IRAK1BP1: variants seen among roughly 807,000 people sequenced by gnomAD.
The protein encoded by IRAK1BP1 is interleukin-1 receptor-associated kinase 1-binding protein 1.
IRAK1BP1 carries 24 observed loss-of-function variants against 28.0 expected under a neutral mutation model. That is an observed-to-expected ratio of 0.86 (90% confidence interval 0.62 to 1.20). IRAK1BP1 has a LOEUF of 1.20. Ranked by LOEUF, IRAK1BP1 falls within the 50% of genes most tolerant of loss-of-function variation. The probability of loss-of-function intolerance (pLI) is 0.00; values close to 1 mark genes in which losing one functional copy is unlikely to be tolerated. For missense variants in IRAK1BP1, 336 were observed against 316.7 expected, an observed-to-expected ratio of 1.06 and a Z score of -0.46; for synonymous variants, 131 against 116.3, an observed-to-expected ratio of 1.13 and a Z score of -0.81.
intron 4 of IRAK1BP1, among the ~76,000 whole-genome samples, chr6:78,917,479 G>A (rs1481135815): frequency 6.6e-6 from 1 of 151,896 alleles, no homozygotes. Context: ...TAAACAATGT[G>A]GAAAACATAT....
chr6:78,898,044 C>G lies in IRAK1BP1; in HGVS notation c.513-20C>G, dbSNP rs373045728. On this transcript the variant is annotated intron_variant, in intron 3 of 3. Coordinates refer to ENST00000369940, the MANE Select transcript of IRAK1BP1 (RefSeq NM_001010844.4). ...TTTCATTGAGTGTCATATTAATAATCTCTCCATTTAATTCCTAAGACGGCA... is the reference window on the plus strand; with the variant it reads ...TTTCATTGAGTGTCATATTAATAATGTCTCCATTTAATTCCTAAGACGGCA... 8.7e-6 allele frequency: 14 copies of G among 1,604,304 alleles called. No homozygotes were observed. The African/African-American group carries it at 1.9e-4, about 22-fold the overall frequency.
intron 1 of IRAK1BP1, among the ~76,000 whole-genome samples, chr6:78,882,829 T>G (rs550055383): frequency 4.3e-4 from 65 of 152,220 alleles, no homozygotes; most frequent in Non-Finnish European, 7.2e-4. Flanking sequence ...TCTACTAATG[T>G]TGGCTTTTTA....
At chr6:78,978,531 CTGTTAAAAAA>C in the IRAK1BP1 span, 2 of 1,341,274 alleles carry the variant, frequency 1.5e-6, no homozygotes, top group African/African-American at 2.9e-5. Flanking sequence ...ATTTCAAGAG[CTGTTAAAAAA>C]TGTTTAAAAC....
At chr6:78,938,597 TGAAA>T (rs765616670) in intron 4 of IRAK1BP1, 3 of 151,828 alleles carry the variant, frequency 2.0e-5, no homozygotes, top group Non-Finnish European at 3.0e-5. Context: ...ATGGTGTAAC[TGAAA>T]GACTCATTTT....
chr6:78,915,168 A>G (rs923033796), intron 4 of IRAK1BP1, among the ~76,000 whole-genome samples: 2 of 152,198 alleles, frequency 1.3e-5, no homozygotes, highest in Non-Finnish European at 1.5e-5. Flanking sequence ...AAATGTCATC[A>G]TGCCTCAAAT....
the IRAK1BP1 span, among the ~76,000 whole-genome samples, chr6:78,973,275 G>C: frequency 3.4e-4 from 51 of 151,430 alleles, no homozygotes; most frequent in African/African-American, 1.1e-3. Flanking sequence ...TCCAGCCAAA[G>C]TAAGCTTCAT....
chr6:78,871,679 C>A, intron 1 of IRAK1BP1: 1 of 269,316 alleles, frequency 3.7e-6, no homozygotes, highest in Non-Finnish European at 5.8e-6. Context: ...TAGATGAGAA[C>A]TCCAAGGACC....
At chr6:78,958,892 AG>A in the IRAK1BP1 span, among the ~76,000 whole-genome samples, 1 of 152,084 alleles carries the variant, frequency 6.6e-6, no homozygotes, top group Admixed American at 6.6e-5. Flanking sequence ...GCAGGAGAGT[AG>A]AAAGGGGAGA....
At position 78,898,165 on chromosome 6, in the gene IRAK1BP1, A is replaced by G. The variant is rs1262009737; in HGVS notation, c.614A>G (p.Glu205Gly). The G allele has an allele frequency of 3.1e-6, 5 of 1,613,722 alleles. No homozygotes were observed. The East Asian group carries it at 8.9e-5, about 29-fold the overall frequency. Residue 205 changes from glutamate to glycine, a missense_variant, in exon 4 of 4, where the codon GAA becomes GGA. By Grantham distance (98) the Glu-to-Gly change is moderately conservative. Coordinates refer to ENST00000369940, the MANE Select transcript of IRAK1BP1 (RefSeq NM_001010844.4). ...QTLGKPLLIK[E>G]EETKEWEGQI... ...TTAGGAAAACCTTTACTAATCAAAG[A>G]AGAAGAAACAAAAGAATGGGAAGGC...
intron 1 of IRAK1BP1, among the ~76,000 whole-genome samples, chr6:78,868,819 G>A (rs2127663081): frequency 6.6e-6 from 1 of 152,278 alleles, no homozygotes; most frequent in East Asian, 1.9e-4. Context: ...AGGGATCAAC[G>A]ATTTCAGTTT....
the IRAK1BP1 span, chr6:78,969,771 T>C: frequency 4.2e-6 from 3 of 721,998 alleles, no homozygotes. Context: ...TGAAAAATAG[T>C]AAATCACTTA....
At chr6:78,932,126 T>C (rs1246966825) in intron 4 of IRAK1BP1, among the ~76,000 whole-genome samples, 4 of 152,170 alleles carry the variant, frequency 2.6e-5, no homozygotes, top group African/African-American at 9.7e-5. Flanking sequence ...ATTGCAGCAA[T>C]TCAGTCACAT....
rs1201997078 is a variant in IRAK1BP1 at position 78,893,280 on chromosome 6, ATG to A, written c.382-4543_382-4542del. Among the ~76,000 whole-genome samples, 35 of 114,638 alleles carry A rather than the reference ATG, an allele frequency of 3.1e-4. 1 individual carries two copies. The South Asian group carries it at 0.012, about 41-fold the overall frequency. The allele number at this position is 114,638 out of a possible 152,430, so 75.2% of individuals were successfully genotyped here. ...CTTTAAAACTAAAAGGTGTATATAT[ATG>A]TGTGTATATATGTGTGTGTGTGTGT... On this transcript the variant is annotated intron_variant, in intron 2 of 3. Coordinates refer to ENST00000369940, the MANE Select transcript of IRAK1BP1 (RefSeq NM_001010844.4).
At chr6:78,904,995 TTA>T (rs1438817756), downstream of IRAK1BP1, among the ~76,000 whole-genome samples, 1 of 152,192 alleles carries the variant, frequency 6.6e-6, no homozygotes, top group African/African-American at 2.4e-5. Flanking sequence ...GCTAAAACTT[TTA>T]AAGAGAATTT....
At chr6:78,968,960 A>G in the IRAK1BP1 span, among the ~76,000 whole-genome samples, 283 of 152,276 alleles carry the variant, frequency 1.9e-3, no homozygotes, top group African/African-American at 6.6e-3. Context: ...CTTCTACTGA[A>G]TATTATTTGG....
the IRAK1BP1 span, among the ~76,000 whole-genome samples, chr6:78,963,595 T>A: frequency 1.3e-5 from 2 of 152,184 alleles, no homozygotes; most frequent in African/African-American, 4.8e-5. Context: ...TTTGATAAAG[T>A]ATACACAAGG....
chr6:78,968,846 A>G, the IRAK1BP1 span, among the ~76,000 whole-genome samples: 1 of 151,248 alleles, frequency 6.6e-6, no homozygotes, highest in Non-Finnish European at 1.5e-5. Context: ...GTAATTTTCC[A>G]CAAAGACAAA....
chr6:78,955,481 G>GT, the IRAK1BP1 span: 4,150 of 445,482 alleles, frequency 9.3e-3, no homozygotes, highest in South Asian at 0.012. Flanking sequence ...ACTGCCAGTT[G>GT]TTTTTTTTTT....
chr6:78,971,134 C>A, the IRAK1BP1 span, among the ~76,000 whole-genome samples: 80 of 152,256 alleles, frequency 5.3e-4, no homozygotes, highest in African/African-American at 1.9e-3. Flanking sequence ...TCTGGTTTCA[C>A]CATTTTATTC....
Sources: gnomAD v4.1 joint callset for allele counts (sites outside exome capture counted in the v4.1 genomes callset) on GRCh38, gnomAD v4.1.1 for gene constraint, MANE v1.5 for transcripts, NCBI Gene and HGNC (gene_info 2026-07-23, HGNC 2026-07-21) for gene names.